The following CDYL2 variants were observed in gnomAD, a reference collection of about 807,000 sequenced individuals.
CDYL2 encodes chromodomain Y like 2, also known as chromodomain Y-like protein 2.
CDYL2 carries 23 observed loss-of-function variants against 49.4 expected under a neutral mutation model. The ratio of observed to expected loss-of-function variants is 0.47; its 90% CI spans 0.34 to 0.66. CDYL2 has a LOEUF of 0.66. Among genes scored for constraint, CDYL2 ranks in the 30% least tolerant of loss-of-function variants. CDYL2 has a pLI of 0.01. For missense variants in CDYL2, 678 were observed against 656.4 expected (o/e 1.03, Z -0.36); for synonymous variants, 360 against 268.8 (o/e 1.34, Z -3.32).
chr16:80,730,070 A>C (rs1905276655), intron 1 of CDYL2, among the ~76,000 whole-genome samples: 1 of 152,114 alleles, frequency 6.6e-6, no homozygotes, highest in South Asian at 2.1e-4. Context: ...ACACATTCAA[A>C]AGCTAGCAGA....
At position 80,737,475 on chromosome 16, in the gene CDYL2, C is replaced by T. The variant is rs115720410; in HGVS notation, c.25-52346G>A. Reference sequence around the variant, plus strand: ...ACCCAGGGCTGTGAGAATTGCAGAGCGTGAGCTCTTCAGCCACTGTATTAA... The same window carrying T: ...ACCCAGGGCTGTGAGAATTGCAGAGTGTGAGCTCTTCAGCCACTGTATTAA... On this transcript the variant is annotated intron_variant, in intron 1 of 6. Coordinates refer to ENST00000570137, the MANE Select transcript of CDYL2 (RefSeq NM_152342.4). Among the ~76,000 whole-genome samples, 1,126 of 152,264 alleles carry T rather than the reference C, an allele frequency of 7.4e-3. 12 individuals are homozygous for T. Among genetic ancestry groups the T allele is most frequent in the African/African-American group, 0.025 (1,055 of 41,542 alleles).
At chr16:80,609,163 C>G (rs1906481568) in intron 5 of CDYL2, among the ~76,000 whole-genome samples, 1 of 152,202 alleles carries the variant, frequency 6.6e-6, no homozygotes, top group African/African-American at 2.4e-5. Flanking sequence ...CATACAAGGT[C>G]TGGGAGGAGC....
intron 1 of CDYL2, among the ~76,000 whole-genome samples, chr16:80,768,511 G>A (rs534054548): frequency 6.6e-6 from 1 of 152,222 alleles, no homozygotes; most frequent in African/African-American, 2.4e-5. Flanking sequence ...TCAGGGTCTG[G>A]TGAGGGCTCT....
chr16:80,657,454 G>T (rs1279232112), intron 2 of CDYL2, among the ~76,000 whole-genome samples: 1 of 151,876 alleles, frequency 6.6e-6, no homozygotes, highest in African/African-American at 2.4e-5. Flanking sequence ...AATTCCTTCA[G>T]GAAAAAATGA....
At chr16:80,790,903 G>A (rs111634487) in intron 1 of CDYL2, among the ~76,000 whole-genome samples, 16 of 152,278 alleles carry the variant, frequency 1.1e-4, no homozygotes, top group African/African-American at 2.9e-4. Flanking sequence ...AGAACAGTCC[G>A]GGAAGATACA....
intron 2 of CDYL2, among the ~76,000 whole-genome samples, chr16:80,677,442 A>G (rs1253916907): frequency 6.6e-6 from 1 of 152,148 alleles, no homozygotes; most frequent in Non-Finnish European, 1.5e-5. Context: ...ATCTATCAAT[A>G]AACAAGGAGG....
chr16:80,656,637 T>C (rs1908825441), intron 2 of CDYL2, among the ~76,000 whole-genome samples: 2 of 152,210 alleles, frequency 1.3e-5, no homozygotes, highest in Admixed American at 1.3e-4. Context: ...GTATTTCCCA[T>C]TAAGAAGGCT....
intron 2 of CDYL2, among the ~76,000 whole-genome samples, chr16:80,643,580 G>A (rs112911994): frequency 0.022 from 3,418 of 152,314 alleles, 136 homozygotes; most frequent in African/African-American, 0.077. Flanking sequence ...GGGTATCCAC[G>A]CATTTCCATA....
chr16:80,642,780 T>A (rs1275884433), intron 2 of CDYL2, among the ~76,000 whole-genome samples: 1 of 152,086 alleles, frequency 6.6e-6, no homozygotes, highest in Non-Finnish European at 1.5e-5. Flanking sequence ...ATGAGAACAG[T>A]ATAGGGAAAA....
intron 1 of CDYL2, among the ~76,000 whole-genome samples, chr16:80,757,713 A>T (rs925367886): frequency 2.6e-5 from 4 of 151,966 alleles, no homozygotes; most frequent in Non-Finnish European, 5.9e-5. Context: ...CAAAAGCAAA[A>T]TTGAACAGAA....
At chr16:80,675,870 G>C (rs1272040199) in intron 2 of CDYL2, among the ~76,000 whole-genome samples, 2 of 152,114 alleles carry the variant, frequency 1.3e-5, no homozygotes, top group Non-Finnish European at 1.5e-5. Context: ...TCCCCTGATG[G>C]ATAGCCATGA....
intron 2 of CDYL2, among the ~76,000 whole-genome samples, chr16:80,649,220 T>C (rs1486983013): frequency 6.6e-6 from 1 of 152,130 alleles, no homozygotes; most frequent in Non-Finnish European, 1.5e-5. Context: ...GCAGATGATA[T>C]GATGTTATAT....
intron 1 of CDYL2, among the ~76,000 whole-genome samples, chr16:80,803,927 A>T (rs913669254): frequency 7.1e-6 from 1 of 140,438 alleles, no homozygotes; most frequent in Non-Finnish European, 1.6e-5. Flanking sequence ...AGAGAAAGAG[A>T]AAGAGGGAGC....
intron 1 of CDYL2, among the ~76,000 whole-genome samples, chr16:80,725,581 A>C (rs1905138017): frequency 6.6e-6 from 1 of 152,200 alleles, no homozygotes; most frequent in Admixed American, 6.5e-5. Flanking sequence ...CACATATTTC[A>C]AATTCTTACT....
chr16:80,781,812 A>G (rs546703117), intron 1 of CDYL2, among the ~76,000 whole-genome samples: 1 of 152,306 alleles, frequency 6.6e-6, no homozygotes, highest in South Asian at 2.1e-4. Context: ...GTGTCAAAGA[A>G]AAAAATCACA....
In CDYL2 at chr16:80,632,729, G is replaced by A. The variant is rs1597136328; in HGVS notation, c.834+290C>T. On this transcript the variant is annotated intron_variant, in intron 3 of 6. Transcript: ENST00000570137. ...TGGAAAAGCCCAAGATGTGATGTTT[G>A]GATTCTGGGTCTGCCCCTTGGCTAA... 4 of 372,952 alleles carry A rather than the reference G, an allele frequency of 1.1e-5. No individual in the cohort carries two copies. In the East Asian group the frequency reaches 2.0e-4, roughly 18 times the overall value. 23.1% of individuals were successfully genotyped at this position (372,952 alleles called of 1,614,324 possible). A position where few individuals can be genotyped will look rare whatever the true frequency, so the allele number is the denominator to read the frequency against.
intron 1 of CDYL2, among the ~76,000 whole-genome samples, chr16:80,791,395 G>A (rs959038432): frequency 2.0e-5 from 3 of 152,096 alleles, no homozygotes; most frequent in African/African-American, 7.2e-5. Flanking sequence ...ACTGTGCTAG[G>A]TGCTACAGAT....
rs1423495146 is a variant in CDYL2, at chr16:80,599,224, A to G, written c.*5164T>C. The G allele has an allele frequency of 6.6e-6, 1 of 152,226 alleles. No individual in the cohort carries two copies. The highest frequency in any genetic ancestry group is 2.4e-5 in the African/African-American group (1 of 41,462). 9.4% of individuals were successfully genotyped at this position (152,226 alleles called of 1,614,324 possible). A position where few individuals can be genotyped will look rare whatever the true frequency, so the allele number is the denominator to read the frequency against. ...TTTTTCTGACTGCCACACACACTGCAAAAATTTAAAGCAAATCTCCATCTT... is the reference window on the plus strand; with the variant it reads ...TTTTTCTGACTGCCACACACACTGCGAAAATTTAAAGCAAATCTCCATCTT... On this transcript the variant is annotated 3_prime_UTR_variant, in exon 7 of 7. Coordinates refer to ENST00000570137, the MANE Select transcript of CDYL2 (RefSeq NM_152342.4).
intron 1 of CDYL2, among the ~76,000 whole-genome samples, chr16:80,785,743 T>C (rs1016806958): frequency 2.6e-5 from 4 of 152,112 alleles, no homozygotes; most frequent in African/African-American, 9.7e-5. Context: ...CAAAACAGCA[T>C]AGTACTGGTA....
Sources: gnomAD v4.1 joint callset for allele counts (sites outside exome capture counted in the v4.1 genomes callset) on GRCh38, gnomAD v4.1.1 for gene constraint, MANE v1.5 for transcripts, NCBI Gene and HGNC (gene_info 2026-07-23, HGNC 2026-07-21) for gene names.